The following CDC123 variants were observed in gnomAD, a reference collection of about 807,000 sequenced individuals.
The protein encoded by CDC123 is cell division cycle 123, also known as translation initiation factor eIF2 assembly protein.
A neutral mutation model predicts 54.4 loss-of-function variants in CDC123; 37 were observed. That is an observed-to-expected ratio of 0.68 (90% CI 0.52 to 0.89). The LOEUF (loss-of-function observed/expected upper bound fraction) is 0.89, where lower values mean the gene tolerates loss of function less well. Among genes scored for constraint, CDC123 ranks in the 40% least tolerant of loss-of-function variants. CDC123 has a pLI of 0.00. For synonymous variants in CDC123, 144 were observed against 136.8 expected (o/e 1.05, Z -0.37); for missense variants, 361 against 412.1 (o/e 0.88, Z 1.07).
intron 5 of CDC123, among the ~76,000 whole-genome samples, chr10:12,217,045 G>A (rs905718566): frequency 6.6e-6 from 1 of 152,118 alleles, no homozygotes. Context: ...TAATCTTGTA[G>A]CCAAAATGTC....
At chr10:12,242,468 C>A (rs1337951554) in intron 10 of CDC123, among the ~76,000 whole-genome samples, 1 of 152,130 alleles carries the variant, frequency 6.6e-6, no homozygotes, top group African/African-American at 2.4e-5. Context: ...TGGAAGGAGT[C>A]GATTTTGTGT....
At chr10:12,235,383 G>C (rs1359122990) in intron 8 of CDC123, among the ~76,000 whole-genome samples, 1 of 152,146 alleles carries the variant, frequency 6.6e-6, no homozygotes, top group Non-Finnish European at 1.5e-5. Context: ...AATGGTGGTT[G>C]TCACTGTTCC....
Position 12,215,435 on chromosome 10 carries a change from C to T in CDC123, c.238-305C>T, listed in dbSNP as rs975241448. 1.1e-4 allele frequency among the ~76,000 whole-genome samples: 17 copies of T among 152,238 alleles called. 1 individual carries two copies. In the South Asian group the frequency reaches 2.1e-3, roughly 19 times the overall value. On this transcript the variant is annotated intron_variant, in intron 4 of 12. Coordinates refer to ENST00000281141, the MANE Select transcript of CDC123 (RefSeq NM_006023.3). ...CTCTTGATGAATGCTGGTTTTATGT[C>T]GGTGTACAGAGAACCATTCACTCCT...
At chr10:12,240,007 CAA>C (rs34192186) in intron 10 of CDC123, among the ~76,000 whole-genome samples, 6,557 of 101,644 alleles carry the variant, frequency 0.065, 185 homozygotes, top group South Asian at 0.094. Flanking sequence ...GACTCCGTCT[CAA>C]AAAAAAAAAA....
chr10:12,229,534 C>T (rs938749712), intron 6 of CDC123, among the ~76,000 whole-genome samples: 9 of 152,322 alleles, frequency 5.9e-5, no homozygotes, highest in African/African-American at 1.7e-4. Context: ...GCTTTAAATG[C>T]GGGCCCCTTC....
chr10:12,239,011 C>T (rs746524545), intron 10 of CDC123, among the ~76,000 whole-genome samples: 11 of 151,848 alleles, frequency 7.2e-5, no homozygotes, highest in African/African-American at 1.2e-4. Flanking sequence ...AAAAAATATC[C>T]GGGCCTGGTG....
intron 2 of CDC123, among the ~76,000 whole-genome samples, chr10:12,204,091 T>TTA (rs1350257831): frequency 1.8e-5 from 1 of 55,474 alleles, no homozygotes; most frequent in Non-Finnish European, 4.7e-5. Context: ...AGACCTTGTC[T>TTA]CAAAAAAAAA....
At chr10:12,226,179 A>G (rs960522351) in intron 6 of CDC123, among the ~76,000 whole-genome samples, 2 of 152,174 alleles carry the variant, frequency 1.3e-5, no homozygotes, top group Admixed American at 1.3e-4. Context: ...AGACACAGCA[A>G]CAATCTGATT....
rs532703917 is a variant in CDC123 at position 12,212,783 on chromosome 10, T to C, written c.237+2461T>C. On this transcript the variant is annotated intron_variant, in intron 4 of 12. Coordinates refer to ENST00000281141, the MANE Select transcript of CDC123 (RefSeq NM_006023.3). The stretch of plus-strand genomic sequence containing the variant: ...AAAATGAAATTACCTTCAGGCCGTG[T>C]GCATAAGGTGTATATGAAACGTAAA... Among the ~76,000 whole-genome samples, 117 of 152,368 alleles carry C rather than the reference T, an allele frequency of 7.7e-4. 3 individuals are homozygous for C. Among genetic ancestry groups the C allele is most frequent in the Middle Eastern group, 3.4e-3 (1 of 294 alleles).
At chr10:12,203,621 T>G (rs373387440) in intron 2 of CDC123, among the ~76,000 whole-genome samples, 7 of 152,076 alleles carry the variant, frequency 4.6e-5, no homozygotes, top group African/African-American at 1.4e-4. Flanking sequence ...GTGATTCAAT[T>G]TCACTGAACA....
At chr10:12,249,554 T>G in intron 11 of CDC123, 27 bp from the exon 12 acceptor site, 6 of 1,599,272 alleles carry the variant, frequency 3.8e-6, no homozygotes, top group Non-Finnish European at 5.1e-6. Context: ...TGATTGATAT[T>G]CTTTCTCCTT....
In CDC123 at chr10:12,198,790, G is replaced by GA. The variant is rs1835398813; in HGVS notation, c.146+21dup. ...GGTTTCAGGAAGGTAAAGTATTTTA[G>GA]AAAAAAATTTCTTAAACTTTATCAT... On this transcript the variant is annotated intron_variant, in intron 2 of 12. Transcript: ENST00000281141. 5.5e-6 allele frequency: 8 copies of GA among 1,451,158 alleles called. No individual in the cohort carries two copies. Among genetic ancestry groups the GA allele is most frequent in the Admixed American group, 1.8e-5 (1 of 54,776 alleles). 89.9% of individuals were successfully genotyped at this position (1,451,158 alleles called of 1,614,324 possible).
At position 12,235,071 on chromosome 10, in the gene CDC123, A is replaced by G. The variant is rs749141675; in HGVS notation, c.513A>G (p.Glu171=). 2 of 1,613,990 alleles carry G rather than the reference A, an allele frequency of 1.2e-6. No homozygotes were observed. The highest frequency in any genetic ancestry group is 2.2e-5 in the South Asian group (2 of 91,084). ...EYELVLRKWC[E]LIPGAEFRCF... ...AGCTCGTTCTCCGAAAATGGTGTGAATTGATTCCTGGGGCTGAGTTTCGAT... is the reference window on the plus strand; with the variant it reads ...AGCTCGTTCTCCGAAAATGGTGTGAGTTGATTCCTGGGGCTGAGTTTCGAT... The change falls in exon 8 of 13, where the codon GAA becomes GAG. Residue 171 remains glutamate, a synonymous_variant. Coordinates refer to ENST00000281141, the MANE Select transcript of CDC123 (RefSeq NM_006023.3).
chr10:12,202,315 TTA>T (rs1835450111), intron 2 of CDC123, among the ~76,000 whole-genome samples: 1 of 151,888 alleles, frequency 6.6e-6, no homozygotes, highest in East Asian at 1.9e-4. Context: ...ATAAGTGGAG[TTA>T]TATAGTATGT....
At chr10:12,210,850 G>A (rs1480759991) in intron 4 of CDC123, among the ~76,000 whole-genome samples, 2 of 152,046 alleles carry the variant, frequency 1.3e-5, no homozygotes, top group African/African-American at 4.8e-5. Context: ...ACAGTCACCT[G>A]ACACCATGCC....
At chr10:12,242,985 T>C (rs776741194) in intron 10 of CDC123, among the ~76,000 whole-genome samples, 5 of 152,094 alleles carry the variant, frequency 3.3e-5, no homozygotes, top group Non-Finnish European at 7.4e-5. Flanking sequence ...CCTCCTAGTT[T>C]ATAGAAGTTA....
intron 4 of CDC123, among the ~76,000 whole-genome samples, chr10:12,211,817 T>C (rs1259092392): frequency 6.6e-6 from 1 of 152,184 alleles, no homozygotes; most frequent in Admixed American, 6.5e-5. Context: ...TTTTTAAATA[T>C]GTATAGATGG....
chr10:12,225,748 T>G (rs1008060812), intron 6 of CDC123, among the ~76,000 whole-genome samples: 1 of 12,256 alleles, frequency 8.2e-5, no homozygotes, highest in Non-Finnish European at 8.1e-4. Context: ...GCTTCTCTCT[T>G]TTTTTTTTTT....
At chr10:12,249,313 C>CTA (rs931723660) in intron 11 of CDC123, among the ~76,000 whole-genome samples, 4 of 152,114 alleles carry the variant, frequency 2.6e-5, no homozygotes, top group Non-Finnish European at 5.9e-5. Flanking sequence ...TGGCGCATGC[C>CTA]TATAGTCCCA....
Sources: gnomAD v4.1 joint callset for allele counts (sites outside exome capture counted in the v4.1 genomes callset) on GRCh38, gnomAD v4.1.1 for gene constraint, MANE v1.5 for transcripts, NCBI Gene and HGNC (gene_info 2026-07-23, HGNC 2026-07-21) for gene names.